Variants in ATP8A2 observed in about 807,000 individuals in gnomAD.
The protein encoded by ATP8A2 is ATPase phospholipid transporting 8A2.
In ATP8A2, 100 loss-of-function variants were observed where a neutral mutation model predicts 165.6. The ratio of observed to expected loss-of-function variants is 0.60; its 90% CI spans 0.51 to 0.71. ATP8A2 has a LOEUF of 0.71. Ranked by LOEUF, ATP8A2 falls within the 30% of genes least tolerant of loss-of-function variation. The probability of loss-of-function intolerance (pLI) is 0.00; values close to 1 mark genes in which losing one functional copy is unlikely to be tolerated. For synonymous variants in ATP8A2, 543 were observed against 548.8 expected (o/e 0.99, Z 0.15); for missense variants, 1,227 against 1,479.5 (o/e 0.83, Z 2.80).
chr13:25,431,497 G>A (rs563379013), intron 1 of ATP8A2, among the ~76,000 whole-genome samples: 11 of 142,914 alleles, frequency 7.7e-5, no homozygotes, highest in African/African-American at 2.0e-4. Flanking sequence ...CTTTTACTTC[G>A]GCGGCGGGGG....
chr13:25,538,326 G>C (rs1002283561), intron 7 of ATP8A2, among the ~76,000 whole-genome samples: 1 of 152,020 alleles, frequency 6.6e-6, no homozygotes, highest in Non-Finnish European at 1.5e-5. Flanking sequence ...CTTATTTATA[G>C]GGGCACTGAG....
intron 25 of ATP8A2, among the ~76,000 whole-genome samples, chr13:25,722,664 T>C (rs1302690230): frequency 1.4e-5 from 2 of 147,636 alleles, no homozygotes; most frequent in African/African-American, 2.6e-5. Flanking sequence ...ATGTTAGTTG[T>C]CTATTTTGAC....
In ATP8A2 at chr13:25,789,276, A is replaced by C. The variant is rs570151107; in HGVS notation, c.2679+14317A>C. On this transcript the variant is annotated intron_variant, in intron 27 of 36. Coordinates refer to ENST00000381655, the MANE Select transcript of ATP8A2 (RefSeq NM_016529.6). ...GAAGACAAAACACAATAATGTAATT[A>C]ACTTGTTTCGAATTTTGTAAAATGA... Among the ~76,000 whole-genome samples the C allele has an allele frequency of 2.0e-5, 3 of 152,368 alleles. No homozygotes were observed. In the East Asian group the frequency reaches 5.8e-4, roughly 29 times the overall value.
chr13:25,765,329 T>A (rs2044468961), intron 25 of ATP8A2, among the ~76,000 whole-genome samples: 1 of 152,174 alleles, frequency 6.6e-6, no homozygotes, highest in African/African-American at 2.4e-5. Context: ...GGTCTGGGGT[T>A]TTTATTTTAT....
intron 12 of ATP8A2, 30 bp downstream of exon 12, chr13:25,553,950 T>G (rs1362660159): frequency 6.3e-7 from 1 of 1,595,530 alleles, no homozygotes; most frequent in African/African-American, 1.4e-5. Flanking sequence ...TGAATCACTA[T>G]TTTCCAATGC....
At chr13:25,612,867 T>C (rs1337795591) in intron 24 of ATP8A2, among the ~76,000 whole-genome samples, 2 of 152,150 alleles carry the variant, frequency 1.3e-5, no homozygotes, top group African/African-American at 2.4e-5. Flanking sequence ...TGTTGGACAA[T>C]CCCTTTTATC....
At chr13:25,756,327 CTTTT>C (rs11379467) in intron 25 of ATP8A2, among the ~76,000 whole-genome samples, 3 of 137,164 alleles carry the variant, frequency 2.2e-5, no homozygotes, top group African/African-American at 5.4e-5. Flanking sequence ...CTGTTGGATT[CTTTT>C]TTTTTTTTTT....
At chr13:25,534,449 G>C (rs2038213902) in intron 6 of ATP8A2, among the ~76,000 whole-genome samples, 2 of 152,168 alleles carry the variant, frequency 1.3e-5, no homozygotes, top group African/African-American at 4.8e-5. Flanking sequence ...TCCCCAGAAA[G>C]GTATCAGTAT....
Position 25,528,804 on chromosome 13 carries a change from T to TATGCAACATGTGTATGCACAC in ATP8A2, c.222-1192_222-1172dup, listed in dbSNP as rs1566224874. Among the ~76,000 whole-genome samples, 91 of 86,636 alleles carry TATGCAACATGTGTATGCACAC rather than the reference T, an allele frequency of 1.1e-3. 15 individuals are homozygous for TATGCAACATGTGTATGCACAC. Among genetic ancestry groups the TATGCAACATGTGTATGCACAC allele is most frequent in the African/African-American group, 3.0e-3 (85 of 28,516 alleles). The allele number at this position is 86,636 out of a possible 152,430, so 56.8% of individuals were successfully genotyped here. Reference sequence around the variant, plus strand: ...CATATGCAACATGTGTATGCACACATATGCAACATGTGTATGCACACATAT... The same window carrying TATGCAACATGTGTATGCACAC: ...CATATGCAACATGTGTATGCACACATATGCAACATGTGTATGCACACATGCAACATGTGTATGCACACATAT... On this transcript the variant is annotated intron_variant, in intron 2 of 36. Transcript: ENST00000381655.
chr13:25,898,789 A>G (rs1953646045), intron 33 of ATP8A2, among the ~76,000 whole-genome samples: 1 of 152,214 alleles, frequency 6.6e-6, no homozygotes, highest in South Asian at 2.1e-4. Context: ...CTACTGTACT[A>G]GCAATGAACG....
Position 25,468,827 on chromosome 13 carries a change from C to T in ATP8A2, c.77-150C>T, listed in dbSNP as rs541766569. 2.6e-4 allele frequency: 344 copies of T among 1,300,168 alleles called. 3 individuals carry two copies. The South Asian group carries it at 3.4e-3, about 13-fold the overall frequency. 80.5% of individuals were successfully genotyped at this position (1,300,168 alleles called of 1,614,324 possible). On this transcript the variant is annotated intron_variant, in intron 1 of 36. Coordinates refer to ENST00000381655, the MANE Select transcript of ATP8A2 (RefSeq NM_016529.6). ...GCCGCGGCACAGGCGGCGGCGTCTCCAGGGGGAGCCAAGGTACGTAGGCGG... is the reference window on the plus strand; with the variant it reads ...GCCGCGGCACAGGCGGCGGCGTCTCTAGGGGGAGCCAAGGTACGTAGGCGG...
intron 27 of ATP8A2, among the ~76,000 whole-genome samples, chr13:25,809,017 A>C (rs1276890815): frequency 2.6e-5 from 4 of 152,210 alleles, no homozygotes. Context: ...ACTTTTTGCA[A>C]ACTGTGCTGT....
chr13:25,935,888 A>G (rs1267553552), intron 33 of ATP8A2, among the ~76,000 whole-genome samples: 1 of 152,208 alleles, frequency 6.6e-6, no homozygotes, highest in Non-Finnish European at 1.5e-5. Flanking sequence ...TTAATTTTTC[A>G]TGATAGATAT....
chr13:25,601,479 T>C (rs903958777), intron 24 of ATP8A2, among the ~76,000 whole-genome samples: 1 of 152,226 alleles, frequency 6.6e-6, no homozygotes, highest in African/African-American at 2.4e-5. Flanking sequence ...GTTTTGTTGT[T>C]TGTGTTGTTT....
At chr13:25,587,110 G>A (rs2039943235) in intron 23 of ATP8A2, among the ~76,000 whole-genome samples, 1 of 152,080 alleles carries the variant, frequency 6.6e-6, no homozygotes, top group African/African-American at 2.4e-5. Flanking sequence ...TACAAGTTTG[G>A]ATTGACATTC....
chr13:25,906,285 A>C (rs1953934762), intron 33 of ATP8A2, among the ~76,000 whole-genome samples: 1 of 118,454 alleles, frequency 8.4e-6, no homozygotes, highest in East Asian at 3.0e-4. Context: ...ATAAACTTTC[A>C]TATCCTGTAT....
rs371281824 is a variant in ATP8A2, at chr13:25,879,175, G to A, written c.3183+16767G>A. 9.0e-4 allele frequency among the ~76,000 whole-genome samples: 137 copies of A among 152,276 alleles called. 1 individual carries two copies. The highest frequency in any genetic ancestry group is 3.1e-3 in the African/African-American group (128 of 41,560). On this transcript the variant is annotated intron_variant, in intron 33 of 36. Coordinates refer to ENST00000381655, the MANE Select transcript of ATP8A2 (RefSeq NM_016529.6). ...TGTTGTGGTTTATTCCCACAAAAGC[G>A]TATCTTAAACTCTCATTCTCTGCTA...
At chr13:25,834,041 C>A (rs1951545490) in intron 28 of ATP8A2, among the ~76,000 whole-genome samples, 1 of 152,102 alleles carries the variant, frequency 6.6e-6, no homozygotes, top group Non-Finnish European at 1.5e-5. Flanking sequence ...TGTATGAAAA[C>A]CTGCTCAAAC....
intron 25 of ATP8A2, among the ~76,000 whole-genome samples, chr13:25,710,494 T>C (rs2043137968): frequency 6.6e-6 from 1 of 152,172 alleles, no homozygotes; most frequent in Admixed American, 6.5e-5. Context: ...CTTATAGGTC[T>C]CCGTAAGATC....
Sources: allele counts gnomAD v4.1 joint callset (sites outside exome capture counted in the v4.1 genomes callset), GRCh38; gene constraint gnomAD v4.1.1; transcripts MANE v1.5; gene names NCBI Gene and HGNC (gene_info 2026-07-23, HGNC 2026-07-21).